Variants in ABCC3 observed in about 807,000 individuals in gnomAD.
ABCC3 encodes the protein ATP binding cassette subfamily C member 3.
A neutral mutation model predicts 165.3 loss-of-function variants in ABCC3; 121 were observed. The ratio of observed to expected loss-of-function variants is 0.73; its 90% confidence interval spans 0.63 to 0.85. ABCC3 has a LOEUF of 0.85. Ranked by LOEUF, ABCC3 falls within the 40% of genes least tolerant of loss-of-function variation. The probability of loss-of-function intolerance (pLI) is 0.00; values close to 1 mark genes in which losing one functional copy is unlikely to be tolerated. For synonymous variants in ABCC3, 733 were observed against 810.1 expected (o/e 0.90, Z 1.62); for missense variants, 1,869 against 1,964.1 (o/e 0.95, Z 0.92).
chr17:50,676,151 C>A (rs528411315), intron 22 of ABCC3, 61 bp downstream of exon 22: 2 of 1,599,390 alleles, frequency 1.3e-6, no homozygotes, highest in Non-Finnish European at 1.7e-6. Context: ...GGCTGCCAGG[C>A]CCCCCAAACC....
chr17:50,659,374 G>T lies in ABCC3; in HGVS notation c.806+6G>T. On this transcript the variant is annotated splice_donor_region_variant and intron_variant, in intron 7 of 30. Transcript: ENST00000285238. The stretch of plus-strand genomic sequence containing the variant: ...CAGGAAAAGCAGACGGCACGGTGAG[G>T]CCCTCCCCTTGCCCCAACACCCAGC... 3 of 1,603,914 alleles carry T rather than the reference G, an allele frequency of 1.9e-6. No homozygotes were observed. The highest frequency in any genetic ancestry group is 1.7e-6 in the Non-Finnish European group (2 of 1,172,428).
chr17:50,674,797 G>T (rs1044353210), intron 19 of ABCC3, among the ~76,000 whole-genome samples: 5 of 140,692 alleles, frequency 3.6e-5, no homozygotes, highest in African/African-American at 1.1e-4. Flanking sequence ...CAGTCATGCA[G>T]ATTTTTTTTT....
At chr17:50,685,993 C>T (rs1216870636) in intron 29 of ABCC3, among the ~76,000 whole-genome samples, 1 of 152,158 alleles carries the variant, frequency 6.6e-6, no homozygotes, top group Non-Finnish European at 1.5e-5. Context: ...GGCAGGAGTT[C>T]AAGACCAGCC....
chr17:50,668,722 T>C, intron 14 of ABCC3, 131 bp from the exon 15 acceptor site: 4 of 838,820 alleles, frequency 4.8e-6, no homozygotes, highest in Non-Finnish European at 7.8e-6. Context: ...TCTTCCTCCC[T>C]TTTCCCAAGG....
At chr17:50,680,963 C>A (rs547545206) in intron 26 of ABCC3, among the ~76,000 whole-genome samples, 2 of 152,218 alleles carry the variant, frequency 1.3e-5, no homozygotes, top group East Asian at 1.9e-4. Context: ...GTATTCCCAG[C>A]TACTTGGGAG....
intron 1 of ABCC3, among the ~76,000 whole-genome samples, chr17:50,642,317 G>A (rs1251263602): frequency 6.6e-6 from 1 of 152,232 alleles, no homozygotes; most frequent in Non-Finnish European, 1.5e-5. Context: ...GGCCTGTGTG[G>A]GCGGGTACCC....
In ABCC3 at chr17:50,656,735, G is replaced by T. The variant is rs375256776; in HGVS notation, c.256G>T (p.Ala86Ser). The T allele has an allele frequency of 1.9e-6, 3 of 1,613,802 alleles. No homozygotes were observed. The African/African-American group carries it at 4.0e-5, about 22-fold the overall frequency. Reference protein sequence around the residue: ...LGVLLWCVSWADLFYSFHGLV... With the variant: ...LGVLLWCVSWSDLFYSFHGLV... Reference sequence around the variant, plus strand: ...TGTCCTGCTGTGGTGCGTCTCCTGGGCGGACCTTTTTTACTCCTTCCATGG... The same window carrying T: ...TGTCCTGCTGTGGTGCGTCTCCTGGTCGGACCTTTTTTACTCCTTCCATGG... The change falls in exon 3 of 31, where the codon GCG becomes TCG. Residue 86 changes from alanine to serine, a missense_variant. Coordinates refer to ENST00000285238, the MANE Select transcript of ABCC3 (RefSeq NM_003786.4).
At chr17:50,689,740 A>T (rs1242261465) in intron 30 of ABCC3, among the ~76,000 whole-genome samples, 1 of 151,598 alleles carries the variant, frequency 6.6e-6, no homozygotes, top group African/African-American at 2.4e-5. Context: ...CCCATTTAGG[A>T]CCCCACTGGG....
chr17:50,683,695 A>C lies in ABCC3; in HGVS notation c.3893A>C (p.Tyr1298Ser). Residue 1298 changes from tyrosine to serine, a missense_variant, in exon 27 of 31, where the codon TAC (tyrosine) becomes TCC (serine). Coordinates refer to ENST00000285238, the MANE Select transcript of ABCC3 (RefSeq NM_003786.4). ...EVEFRNYSVR[Y>S]RPGLDLVLRD... is the part of the protein sequence containing the mutation. ...GAGTTCCGGAATTATTCTGTGCGCT[A>C]CCGGCCGGGCCTAGACCTGGTGCTG... 6.2e-7 allele frequency: 1 copy of C among 1,608,318 alleles called. No individual in the cohort carries two copies. Among genetic ancestry groups the C allele is most frequent in the Non-Finnish European group, 8.5e-7 (1 of 1,177,596 alleles).
chr17:50,669,065 T>C, intron 15 of ABCC3, 75 bp from the exon 16 acceptor site: 1 of 1,593,642 alleles, frequency 6.3e-7, no homozygotes, highest in Non-Finnish European at 8.6e-7. Context: ...GAGGGCTTGG[T>C]TCTGCAGGTG....
At chr17:50,660,207 G>A (rs890311537) in intron 7 of ABCC3, among the ~76,000 whole-genome samples, 1 of 152,150 alleles carries the variant, frequency 6.6e-6, no homozygotes, top group African/African-American at 2.4e-5. Context: ...GTCTGGAGGC[G>A]GCGGCTGAAT....
Position 50,668,427 on chromosome 17 carries a change from T to C in ABCC3, c.1783-3T>C, listed in dbSNP as rs144483519. The C allele has an allele frequency of 2.1e-4, 344 of 1,613,480 alleles. No individual in the cohort carries two copies. Among genetic ancestry groups the C allele is most frequent in the Non-Finnish European group, 2.8e-4 (326 of 1,179,554 alleles). On this transcript the variant is annotated splice_region_variant and splice_polypyrimidine_tract_variant and intron_variant, in intron 13 of 30. Coordinates refer to ENST00000285238, the MANE Select transcript of ABCC3 (RefSeq NM_003786.4). ...TCTAGGGCTGACTCACATCCTCCCG[T>C]AGGCCAGTGTGTCTCTGAAACGGAT... is the stretch of plus-strand genomic sequence containing the variant.
chr17:50,676,609 C>T, intron 23 of ABCC3, 21 bp downstream of exon 23: 1 of 1,558,498 alleles, frequency 6.4e-7, no homozygotes, highest in African/African-American at 1.4e-5. Flanking sequence ...GGCGTGATTC[C>T]AGTGTGGGCG....
chr17:50,673,129 G>T lies in ABCC3; in HGVS notation c.2400G>T (p.Leu800=). The T allele has an allele frequency of 6.2e-7, 1 of 1,613,892 alleles. No individual in the cohort carries two copies. The highest frequency in any genetic ancestry group is 8.5e-7 in the Non-Finnish European group (1 of 1,180,038). ...FDHVIGPEGV[L]AGKTRVLVTH... ...ACGTCATCGGGCCAGAAGGCGTGCT[G>T]GCAGGCAAGGTGAGGCCTGCCAGAG... Residue 800 remains leucine (L), a synonymous_variant, in exon 18 of 31, where the codon CTG becomes CTT. Transcript: ENST00000285238.
chr17:50,668,589 C>T, intron 14 of ABCC3, 72 bp downstream of exon 14: 1 of 1,268,588 alleles, frequency 7.9e-7, no homozygotes, highest in Non-Finnish European at 1.1e-6. Context: ...CAAGCTTTTC[C>T]TTTGTTCTCT....
At chr17:50,653,028 C>A (rs937068480) in intron 1 of ABCC3, among the ~76,000 whole-genome samples, 1 of 152,114 alleles carries the variant, frequency 6.6e-6, no homozygotes, top group African/African-American at 2.4e-5. Flanking sequence ...CTTCCGATCC[C>A]ACTTCTGACA....
At chr17:50,665,129 A>G in intron 10 of ABCC3, 24 bp from the exon 11 acceptor site, 3 of 1,607,898 alleles carry the variant, frequency 1.9e-6, no homozygotes, top group Non-Finnish European at 2.6e-6. Context: ...CCTATGTGTC[A>G]TCTATCCACC....
chr17:50,651,580 G>C (rs2146598893), intron 1 of ABCC3, among the ~76,000 whole-genome samples: 1 of 152,266 alleles, frequency 6.6e-6, no homozygotes, highest in East Asian at 1.9e-4. Context: ...AAAATTAGCT[G>C]GATGTGGTAG....
At chr17:50,673,963 T>C (rs1967717843) in intron 19 of ABCC3, among the ~76,000 whole-genome samples, 3 of 22,278 alleles carry the variant, frequency 1.3e-4, no homozygotes, top group African/African-American at 6.4e-4. Flanking sequence ...TTTCTTTCTT[T>C]CTTTCTTTCT....
Sources: allele counts gnomAD v4.1 joint callset (sites outside exome capture counted in the v4.1 genomes callset), GRCh38; gene constraint gnomAD v4.1.1; transcripts MANE v1.5; gene names NCBI Gene and HGNC (gene_info 2026-07-23, HGNC 2026-07-21).